CNTN4: variants seen among roughly 807,000 people sequenced by gnomAD.
CNTN4 encodes the protein contactin-4.
CNTN4 carries 77 observed loss-of-function variants against 122.5 expected under a neutral mutation model. The ratio of observed to expected loss-of-function variants is 0.63; its 90% CI spans 0.52 to 0.76. The LOEUF is 0.76. CNTN4 is among the 30% of genes least tolerant of loss of function. The pLI is 0.00. For missense variants in CNTN4, 1,256 were observed against 1,259.1 expected (o/e 1.00, Z 0.04); for synonymous variants, 512 against 447.0 (o/e 1.15, Z -1.83).
intron 4 of CNTN4, among the ~76,000 whole-genome samples, chr3:2,679,759 CT>C (rs1236734556): frequency 6.6e-6 from 1 of 152,172 alleles, no homozygotes; most frequent in African/African-American, 2.4e-5. Flanking sequence ...TGGGTCACTT[CT>C]TCAGAGAAGT....
intron 4 of CNTN4, among the ~76,000 whole-genome samples, chr3:2,670,043 G>A (rs1255373765): frequency 1.3e-5 from 2 of 152,210 alleles, no homozygotes; most frequent in East Asian, 3.9e-4. Flanking sequence ...TAAGTGTGAT[G>A]TGGTGCTGAG....
chr3:2,287,642 A>G (rs1387574436), intron 2 of CNTN4, among the ~76,000 whole-genome samples: 2 of 19,384 alleles, frequency 1.0e-4, no homozygotes, highest in African/African-American at 1.5e-4. Flanking sequence ...GAGAAGAAGA[A>G]GAAGAAGAAG....
At chr3:2,235,688 A>G (rs1048423033) in intron 2 of CNTN4, among the ~76,000 whole-genome samples, 1 of 152,100 alleles carries the variant, frequency 6.6e-6, no homozygotes, top group Non-Finnish European at 1.5e-5. Flanking sequence ...TGATCCCACT[A>G]GATTGTAAAT....
intron 8 of CNTN4, chr3:2,882,637 A>AT (rs2093925982): frequency 6.1e-6 from 1 of 162,724 alleles, no homozygotes; most frequent in East Asian, 1.8e-4. Flanking sequence ...TACCTTGAAT[A>AT]TACTAATTTA....
chr3:2,694,665 G>A (rs2085924822), intron 4 of CNTN4, among the ~76,000 whole-genome samples: 1 of 152,158 alleles, frequency 6.6e-6, no homozygotes, highest in African/African-American at 2.4e-5. Context: ...GGAGGCAGAG[G>A]TTGCAGTGAG....
chr3:2,711,096 C>T (rs1364770385), intron 4 of CNTN4, among the ~76,000 whole-genome samples: 1 of 152,192 alleles, frequency 6.6e-6, no homozygotes, highest in Non-Finnish European at 1.5e-5. Context: ...GAAGCACTGG[C>T]CTTCAGAATC....
intron 2 of CNTN4, among the ~76,000 whole-genome samples, chr3:2,249,207 C>T (rs971687413): frequency 2.0e-5 from 3 of 151,806 alleles, no homozygotes; most frequent in Non-Finnish European, 2.9e-5. Context: ...GCTTCTGTCA[C>T]CAGCACTATT....
chr3:2,861,964 G>A (rs1180876673), intron 7 of CNTN4, among the ~76,000 whole-genome samples: 2 of 152,132 alleles, frequency 1.3e-5, no homozygotes, highest in African/African-American at 4.8e-5. Context: ...GGAACATATG[G>A]CTTCCTAACA....
At chr3:2,554,852 A>G (rs2078656283) in intron 3 of CNTN4, among the ~76,000 whole-genome samples, 1 of 152,214 alleles carries the variant, frequency 6.6e-6, no homozygotes, top group African/African-American at 2.4e-5. Context: ...AGGGGCCCCA[A>G]ATGAGGTCCC....
At chr3:2,715,569 C>A (rs931529005) in intron 4 of CNTN4, among the ~76,000 whole-genome samples, 2 of 152,204 alleles carry the variant, frequency 1.3e-5, no homozygotes, top group Non-Finnish European at 2.9e-5. Context: ...AAGTCCCTGT[C>A]TTAGTCAGTT....
intron 6 of CNTN4, among the ~76,000 whole-genome samples, chr3:2,755,423 G>C (rs985441005): frequency 6.6e-6 from 1 of 152,168 alleles, no homozygotes; most frequent in African/African-American, 2.4e-5. Context: ...GGAAGGCTTT[G>C]ATCTTCAATA....
chr3:2,323,149 C>T (rs761815571), intron 2 of CNTN4, among the ~76,000 whole-genome samples: 3 of 152,152 alleles, frequency 2.0e-5, no homozygotes, highest in Admixed American at 6.6e-5. Flanking sequence ...CCTGAAGAAT[C>T]GGTCTCTTCC....
At chr3:2,803,388 T>G (rs2092392592) in intron 6 of CNTN4, among the ~76,000 whole-genome samples, 2 of 152,282 alleles carry the variant, frequency 1.3e-5, no homozygotes, top group South Asian at 2.1e-4. Context: ...AAATCTAAAC[T>G]TGTATTTTCC....
chr3:2,738,281 A>C (rs2149503543), intron 5 of CNTN4, among the ~76,000 whole-genome samples: 1 of 152,360 alleles, frequency 6.6e-6, no homozygotes. Context: ...CAAAGAGATC[A>C]CAAACTGGCA....
chr3:2,254,110 A>G (rs1228563367), intron 2 of CNTN4, among the ~76,000 whole-genome samples: 1 of 144,106 alleles, frequency 6.9e-6, no homozygotes, highest in Non-Finnish European at 1.5e-5. Flanking sequence ...TTATAGTTCA[A>G]CTCCCACTTA....
At chr3:2,612,702 T>C (rs1253542821) in intron 4 of CNTN4, among the ~76,000 whole-genome samples, 1 of 152,194 alleles carries the variant, frequency 6.6e-6, no homozygotes, top group Admixed American at 6.6e-5. Context: ...ACATATCTTA[T>C]TTCTTACTCT....
intron 4 of CNTN4, among the ~76,000 whole-genome samples, chr3:2,599,659 A>G (rs1235196291): frequency 1.3e-5 from 2 of 152,190 alleles, no homozygotes; most frequent in African/African-American, 4.8e-5. Flanking sequence ...CCTTTATCAA[A>G]CTTCTCTTGG....
At position 2,215,823 on chromosome 3, in the gene CNTN4, C is replaced by A. The variant is rs992642985; in HGVS notation, c.-145+115184C>A. Among the ~76,000 whole-genome samples the A allele has an allele frequency of 2.3e-5, 3 of 131,182 alleles. No individual in the cohort carries two copies. In the East Asian group the frequency reaches 7.2e-4, roughly 31 times the overall value. 86.1% of individuals were successfully genotyped at this position (131,182 alleles called of 152,430 possible). On this transcript the variant is annotated intron_variant, in intron 2 of 24. Coordinates refer to ENST00000418658, the MANE Select transcript of CNTN4 (RefSeq NM_175607.3). ...ACTTGAACCCAGGATTTAGAGGTTG[C>A]AGTGAGCCGAGACTGTGCCACTGCA...
At chr3:2,167,948 A>G (rs115569933) in intron 2 of CNTN4, among the ~76,000 whole-genome samples, 2,501 of 152,262 alleles carry the variant, frequency 0.016, 64 homozygotes, top group East Asian at 0.037. Flanking sequence ...CAACAGACCA[A>G]GCAACATAGG....
Sources: gnomAD v4.1 joint callset for allele counts (sites outside exome capture counted in the v4.1 genomes callset) on GRCh38, gnomAD v4.1.1 for gene constraint, MANE v1.5 for transcripts, NCBI Gene and HGNC (gene_info 2026-07-23, HGNC 2026-07-21) for gene names.